HMGB1: variants seen among roughly 807,000 people sequenced by gnomAD.
HMGB1 encodes the protein high mobility group box 1.
For synonymous variants in HMGB1, 81 were observed against 84.0 expected (o/e 0.96, Z 0.19); for missense variants, 79 against 253.5 (o/e 0.31, Z 4.67).
At chr13:30,590,178 C>A (rs1364447831) in intron 1 of HMGB1, among the ~76,000 whole-genome samples, 2 of 151,836 alleles carry the variant, frequency 1.3e-5, no homozygotes, top group Non-Finnish European at 2.9e-5. Flanking sequence ...TCTGCACTGT[C>A]CAATAAGGTG....
At chr13:30,583,374 A>G (rs1169392355) in intron 1 of HMGB1, among the ~76,000 whole-genome samples, 1 of 151,814 alleles carries the variant, frequency 6.6e-6, no homozygotes, top group Non-Finnish European at 1.5e-5. Flanking sequence ...CTCTACAAAA[A>G]ATACAAGAAT....
intron 1 of HMGB1, among the ~76,000 whole-genome samples, chr13:30,509,129 G>A (rs572779752): frequency 6.6e-6 from 1 of 152,112 alleles, no homozygotes; most frequent in African/African-American, 2.4e-5. Flanking sequence ...TAGAGATGGG[G>A]GTCTCACCAT....
At chr13:30,566,661 T>G (rs960506259) in intron 1 of HMGB1, among the ~76,000 whole-genome samples, 4 of 152,240 alleles carry the variant, frequency 2.6e-5, no homozygotes, top group African/African-American at 9.6e-5. Flanking sequence ...CACAAATTTT[T>G]CTCCTTGAAA....
intron 1 of HMGB1, among the ~76,000 whole-genome samples, chr13:30,593,851 A>G (rs575675161): frequency 6.6e-6 from 1 of 152,360 alleles, no homozygotes; most frequent in South Asian, 2.1e-4. Flanking sequence ...CAATGCCATA[A>G]AAGACAAAGA....
intron 1 of HMGB1, among the ~76,000 whole-genome samples, chr13:30,580,296 C>T (rs1870842731): frequency 6.6e-6 from 1 of 152,172 alleles, no homozygotes; most frequent in Admixed American, 6.5e-5. Context: ...GTTTCTAGCC[C>T]TCACTTCTTT....
intron 1 of HMGB1, among the ~76,000 whole-genome samples, chr13:30,539,155 C>T (rs137993397): frequency 5.9e-5 from 9 of 152,350 alleles, no homozygotes; most frequent in Admixed American, 5.9e-4. Context: ...CCTCAGCCTC[C>T]CAAAGTGCTG....
At chr13:30,538,878 A>C in intron 1 of HMGB1, among the ~76,000 whole-genome samples, 1 of 151,308 alleles carries the variant, frequency 6.6e-6, no homozygotes, top group South Asian at 2.1e-4. Flanking sequence ...ATGGACATAA[A>C]AATGGCCCAA....
chr13:30,545,519 CACTT>C (rs1479874663), intron 1 of HMGB1, among the ~76,000 whole-genome samples: 4 of 152,046 alleles, frequency 2.6e-5, no homozygotes, highest in Non-Finnish European at 5.9e-5. Context: ...GAATTCTACT[CACTT>C]CCTGTTTTTC....
chr13:30,456,992 C>T lies in HMGB1; in HGVS notation c.*4365G>A, dbSNP rs996980415. ...ATTATGGATCATATACAAGTGAGAT[C>T]GAAAAAAGAAAAAATATGTATTATG... On this transcript the variant is annotated 3_prime_UTR_variant, in exon 5 of 5. Coordinates refer to ENST00000341423, the MANE Select transcript of HMGB1 (RefSeq NM_002128.7). 9 of 151,324 alleles carry T rather than the reference C, an allele frequency of 5.9e-5. No individual in the cohort carries two copies. The highest frequency in any genetic ancestry group is 1.2e-4 in the Non-Finnish European group (8 of 67,866). The allele number at this position is 151,324 out of a possible 1,614,324, so 9.4% of individuals were successfully genotyped here. A position where few individuals can be genotyped will look rare whatever the true frequency, so the allele number is the denominator to read the frequency against.
chr13:30,464,019 T>A (rs1429809199), intron 1 of HMGB1: 1 of 798,508 alleles, frequency 1.3e-6, no homozygotes, highest in Non-Finnish European at 1.5e-6. Context: ...GATTTTAAAA[T>A]CTAGAACACC....
chr13:30,473,918 A>G (rs536334316), intron 1 of HMGB1, among the ~76,000 whole-genome samples: 3 of 152,358 alleles, frequency 2.0e-5, no homozygotes, highest in Admixed American at 2.0e-4. Flanking sequence ...TATATATTTG[A>G]CATTATGCTA....
intron 1 of HMGB1, among the ~76,000 whole-genome samples, chr13:30,568,632 T>A (rs1378419340): frequency 6.6e-6 from 1 of 152,142 alleles, no homozygotes; most frequent in African/African-American, 2.4e-5. Flanking sequence ...TAGAGGGAAC[T>A]GTGAGACAGA....
chr13:30,486,315 A>C (rs1887362036), intron 1 of HMGB1, among the ~76,000 whole-genome samples: 1 of 152,206 alleles, frequency 6.6e-6, no homozygotes. Flanking sequence ...TGGCTGGTTC[A>C]CTTTGCTGCA....
intron 1 of HMGB1, among the ~76,000 whole-genome samples, chr13:30,604,040 A>C (rs529852843): frequency 6.6e-6 from 1 of 152,240 alleles, no homozygotes; most frequent in East Asian, 1.9e-4. Context: ...AGAACATGTA[A>C]AGCGGTGATA....
At chr13:30,485,854 TTTATGGAATTTTAGAACACAG>T (rs1483950348) in intron 1 of HMGB1, among the ~76,000 whole-genome samples, 1 of 152,188 alleles carries the variant, frequency 6.6e-6, no homozygotes, top group African/African-American at 2.4e-5. Context: ...TTAAGGAAGA[TTTATGGAATTTTAGAACACAG>T]TTATAATCAA....
At chr13:30,518,935 G>T (rs1026434736) in intron 1 of HMGB1, among the ~76,000 whole-genome samples, 1 of 151,322 alleles carries the variant, frequency 6.6e-6, no homozygotes, top group African/African-American at 2.4e-5. Flanking sequence ...AGAGATGGGG[G>T]CTGGTCTTGA....
At chr13:30,614,580 T>TG (rs1243858702) in intron 1 of HMGB1, among the ~76,000 whole-genome samples, 1 of 152,226 alleles carries the variant, frequency 6.6e-6, no homozygotes, top group Non-Finnish European at 1.5e-5. Flanking sequence ...GCAGAAGAGA[T>TG]GGGATTAGAT....
At chr13:30,617,552 G>C (rs1950581452) in exon 1 of HMGB1, 1 of 152,230 alleles carries the variant, frequency 6.6e-6, no homozygotes, top group African/African-American at 2.4e-5. Flanking sequence ...ACGGAACAGC[G>C]ACGCGCAAGC....
chr13:30,483,760 C>G (rs950889366), intron 1 of HMGB1, among the ~76,000 whole-genome samples: 1 of 151,824 alleles, frequency 6.6e-6, no homozygotes, highest in Non-Finnish European at 1.5e-5. Context: ...GCCACAGACA[C>G]GCACCACCAC....
Sources: allele counts gnomAD v4.1 joint callset (sites outside exome capture counted in the v4.1 genomes callset), GRCh38; gene constraint gnomAD v4.1.1; transcripts MANE v1.5; gene names NCBI Gene and HGNC (gene_info 2026-07-23, HGNC 2026-07-21).